Variants in ARSL observed in about 807,000 individuals in gnomAD.
The protein encoded by ARSL is arylsulfatase E (chondrodysplasia punctata 1).
In ARSL, 4 loss-of-function variants were observed where a neutral mutation model predicts 31.1. The observed-to-expected ratio is 0.13, with a 90% CI of 0.06 to 0.29. The LOEUF (loss-of-function observed/expected upper bound fraction) is 0.29, where lower values mean the gene tolerates loss of function less well. ARSL is among the 10% of genes least tolerant of loss of function. The pLI, the probability that ARSL is intolerant of heterozygous loss-of-function variation, is 1.00. For synonymous variants in ARSL, 198 were observed against 209.9 expected, an observed-to-expected ratio of 0.94 and a Z score of 0.49; for missense variants, 312 against 497.8, an observed-to-expected ratio of 0.63 and a Z score of 3.55.
intron 9 of ARSL, among the ~76,000 whole-genome samples, chrX:2,937,309 G>A (rs1453366768): frequency 1.8e-5 from 2 of 108,702 alleles, no homozygotes; most frequent in African/African-American, 3.4e-5. Context: ...CAGGAGGATC[G>A]CTTGAACCCA....
chrX:2,940,415 C>T (rs2089265766), intron 8 of ARSL, among the ~76,000 whole-genome samples: 1 of 111,752 alleles, frequency 8.9e-6, no homozygotes, highest in Non-Finnish European at 1.9e-5. Flanking sequence ...CGCCTGGAAT[C>T]CCAGCACTTT....
intron 6 of ARSL, among the ~76,000 whole-genome samples, chrX:2,947,478 AT>A (rs2147374559): frequency 8.9e-6 from 1 of 112,627 alleles, no homozygotes; most frequent in Non-Finnish European, 1.9e-5. Context: ...ATATTGGGTT[AT>A]TCATATTATT....
At chrX:2,944,509 C>T (rs188914832) in intron 7 of ARSL, among the ~76,000 whole-genome samples, 104 of 106,890 alleles carry the variant, frequency 9.7e-4, no homozygotes, top group African/African-American at 3.4e-3. Context: ...TGAGACCCTG[C>T]CACACACACA....
At chrX:2,963,134 C>T (rs2089660861) in intron 1 of ARSL, among the ~76,000 whole-genome samples, 2 of 112,044 alleles carry the variant, frequency 1.8e-5, no homozygotes, top group South Asian at 7.4e-4. Flanking sequence ...AGGTGTACGC[C>T]GTGCTCGTGA....
intron 8 of ARSL, among the ~76,000 whole-genome samples, chrX:2,938,988 C>T (rs1162809510): frequency 9.0e-6 from 1 of 111,103 alleles, no homozygotes; most frequent in Non-Finnish European, 1.9e-5. Flanking sequence ...GAAGGAGCCT[C>T]CCCTAGAGCA....
rs149712610 is a variant in ARSL at position 2,946,023 on chromosome X, G to A, written c.966C>T (p.Asn322=). Residue 322 remains asparagine (N), a synonymous_variant, in exon 7 of 11, where the codon AAC becomes AAT. Transcript: ENST00000381134. ...GKSLHGLYGD[N]VEEMDWMVGR... ...CTACCATCCAGTCCATCTCCTCTAC[G>A]TTGTCCCCATACAGCCCGTGGAGAC... is the stretch of plus-strand genomic sequence containing the variant. 1.7e-6 allele frequency: 2 copies of A among 1,208,800 alleles called. No homozygotes were observed. Among genetic ancestry groups the A allele is most frequent in the African/African-American group, 1.8e-5 (1 of 56,899 alleles).
chrX:2,952,970 G>A, intron 5 of ARSL, 173 bp downstream of exon 5: 1 of 502,498 alleles, frequency 2.0e-6, no homozygotes, highest in Non-Finnish European at 3.1e-6. Flanking sequence ...TATTTCTTGA[G>A]TATCTACTTT....
intron 4 of ARSL, 80 bp downstream of exon 4, chrX:2,955,336 A>G: frequency 8.6e-7 from 1 of 1,160,062 alleles, no homozygotes; most frequent in Non-Finnish European, 1.2e-6. Context: ...ATAAAAAATA[A>G]AAAAACCAAA....
At chrX:2,947,542 C>T (rs1008680014) in intron 6 of ARSL, among the ~76,000 whole-genome samples, 2 of 111,917 alleles carry the variant, frequency 1.8e-5, no homozygotes, top group Non-Finnish European at 3.8e-5. Context: ...CTTCACCCGG[C>T]CTTCATGGTC....
intron 3 of ARSL, among the ~76,000 whole-genome samples, chrX:2,956,356 G>T (rs1432414327): frequency 1.8e-5 from 2 of 112,101 alleles, no homozygotes; most frequent in African/African-American, 3.2e-5. Context: ...TTGAAATCCC[G>T]CATAAGTGCT....
chrX:2,945,076 CA>C (rs1168055758), intron 7 of ARSL, among the ~76,000 whole-genome samples: 2 of 109,592 alleles, frequency 1.8e-5, no homozygotes, highest in East Asian at 5.8e-4. Context: ...AAAGGCAAAA[CA>C]AAAAAGGACC....
chrX:2,946,692 C>T (rs779822251), intron 6 of ARSL, among the ~76,000 whole-genome samples: 2 of 107,686 alleles, frequency 1.9e-5, no homozygotes, highest in South Asian at 4.2e-4. Context: ...CATTTTGAGA[C>T]GGATTGTGGC....
At chrX:2,964,935 T>A (rs1318067220), upstream of ARSL, among the ~76,000 whole-genome samples, 4 of 110,447 alleles carry the variant, frequency 3.6e-5, no homozygotes, top group Non-Finnish European at 7.6e-5. Flanking sequence ...CAAGACCCTG[T>A]CTCTATAAAT....
chrX:2,943,663 AC>A (rs1445776803), intron 7 of ARSL, among the ~76,000 whole-genome samples: 14 of 102,149 alleles, frequency 1.4e-4, no homozygotes, highest in African/African-American at 4.7e-4. Context: ...AATAGCTTAA[AC>A]CCGGGAAGTG....
upstream of ARSL, among the ~76,000 whole-genome samples, chrX:2,967,758 C>T: frequency 8.9e-6 from 1 of 112,053 alleles, no homozygotes; most frequent in Admixed American, 9.5e-5. Flanking sequence ...TGAGCTTCAG[C>T]CCCGGGCTGC....
chrX:2,966,513 C>T (rs745672459), upstream of ARSL, among the ~76,000 whole-genome samples: 4 of 106,531 alleles, frequency 3.8e-5, no homozygotes, highest in African/African-American at 6.8e-5. Context: ...TGGTGGCTCA[C>T]GCCTATAATC....
intron 2 of ARSL, among the ~76,000 whole-genome samples, chrX:2,959,429 C>A (rs1182379870): frequency 9.0e-6 from 1 of 111,458 alleles, no homozygotes; most frequent in Non-Finnish European, 1.9e-5. Context: ...ATCATTGCTG[C>A]CTCTTTCATC....
At chrX:2,943,245 C>G (rs758447369) in intron 7 of ARSL, 46 bp from the exon 8 acceptor site, 1 of 1,198,597 alleles carries the variant, frequency 8.3e-7, no homozygotes, top group Non-Finnish European at 1.1e-6. Flanking sequence ...GGAAAAATAT[C>G]AGAAATGCAG....
At chrX:2,947,406 C>G (rs537265291) in intron 6 of ARSL, among the ~76,000 whole-genome samples, 1 of 112,219 alleles carries the variant, frequency 8.9e-6, no homozygotes, top group African/African-American at 3.2e-5. Flanking sequence ...TTTATAATTG[C>G]TATCACGTAG....
Sources: allele counts gnomAD v4.1 joint callset (sites outside exome capture counted in the v4.1 genomes callset), GRCh38; gene constraint gnomAD v4.1.1; transcripts MANE v1.5; gene names NCBI Gene and HGNC (gene_info 2026-07-23, HGNC 2026-07-21).